FHIT: variants seen among roughly 807,000 people sequenced by gnomAD.
FHIT encodes the protein fragile histidine triad diadenosine triphosphatase, also known as bis(5'-adenosyl)-triphosphatase.
A neutral mutation model predicts 17.9 loss-of-function variants in FHIT; 19 were observed. The ratio of observed to expected loss-of-function variants is 1.06; its 90% CI spans 0.74 to 1.56. The LOEUF (loss-of-function observed/expected upper bound fraction) is 1.56, where lower values mean the gene tolerates loss of function less well. Ranked by LOEUF, FHIT falls within the 40% of genes most tolerant of loss-of-function variation. FHIT has a pLI of 0.00. For missense variants in FHIT, 248 were observed against 189.2 expected (o/e 1.31, Z -1.82); for synonymous variants, 81 against 69.7 (o/e 1.16, Z -0.81).
chr3:59,951,978 G>A (rs1445653710), intron 7 of FHIT, among the ~76,000 whole-genome samples: 1 of 152,130 alleles, frequency 6.6e-6, no homozygotes, highest in Non-Finnish European at 1.5e-5. Context: ...TTGACATCAT[G>A]TGTGGCCTTG....
rs189195114 is a variant in FHIT, at chr3:60,915,565, T to C, written c.-110-93554A>G. Among the ~76,000 whole-genome samples, 184 of 152,252 alleles carry C rather than the reference T, an allele frequency of 1.2e-3. 2 individuals carry two copies. Among genetic ancestry groups the C allele is most frequent in the Admixed American group, 2.8e-3 (43 of 15,292 alleles). On this transcript the variant is annotated intron_variant, in intron 3 of 9. Coordinates refer to ENST00000492590, the MANE Select transcript of FHIT (RefSeq NM_002012.4). The stretch of plus-strand genomic sequence containing the variant: ...AGATAGCTGTCCTGGACAGGAAGGA[T>C]AGAAGCATTGGAAGAAAGTGTTAGA...
intron 5 of FHIT, among the ~76,000 whole-genome samples, chr3:60,386,169 A>C (rs1701003710): frequency 6.6e-6 from 1 of 151,920 alleles, no homozygotes; most frequent in Non-Finnish European, 1.5e-5. Context: ...CATAGACGCT[A>C]CTCACTGGTC....
At chr3:59,999,902 C>G (rs1575851998) in intron 7 of FHIT, among the ~76,000 whole-genome samples, 2 of 152,292 alleles carry the variant, frequency 1.3e-5, no homozygotes, top group East Asian at 3.9e-4. Flanking sequence ...GCCACTGTTC[C>G]TGGCCAGATC....
chr3:60,814,599 A>G (rs1470486221), intron 4 of FHIT, among the ~76,000 whole-genome samples: 1 of 152,060 alleles, frequency 6.6e-6, no homozygotes, highest in African/African-American at 2.4e-5. Flanking sequence ...TCTTTATCTG[A>G]TCCACCATTG....
Position 60,182,842 on chromosome 3 carries a change from C to A in FHIT, c.104-168690G>T, listed in dbSNP as rs9840704. On this transcript the variant is annotated intron_variant, in intron 5 of 9. Transcript: ENST00000492590. Reference sequence around the variant, plus strand: ...TGAGTTGTTAGTTCCTCCTTTTATTCTCTATAAATGCTGCCAGTCGGGGGC... The same window carrying A: ...TGAGTTGTTAGTTCCTCCTTTTATTATCTATAAATGCTGCCAGTCGGGGGC... Among the ~76,000 whole-genome samples, 606 of 151,052 alleles carry A rather than the reference C, an allele frequency of 4.0e-3. 4 individuals are homozygous for A. The highest frequency in any genetic ancestry group is 0.01 in the Middle Eastern group (3 of 292).
At chr3:60,291,493 GC>G (rs1707981832) in intron 5 of FHIT, among the ~76,000 whole-genome samples, 1 of 151,878 alleles carries the variant, frequency 6.6e-6, no homozygotes, top group African/African-American at 2.4e-5. Flanking sequence ...TGTCGGACAT[GC>G]CTGGGCCCCA....
intron 2 of FHIT, among the ~76,000 whole-genome samples, chr3:61,089,646 A>T (rs1336398168): frequency 6.6e-6 from 1 of 152,204 alleles, no homozygotes; most frequent in Non-Finnish European, 1.5e-5. Flanking sequence ...TATTTACAGA[A>T]GACTTGAACT....
chr3:60,753,924 G>T (rs1405730495), intron 4 of FHIT, among the ~76,000 whole-genome samples: 11 of 151,350 alleles, frequency 7.3e-5, no homozygotes, highest in African/African-American at 1.7e-4. Context: ...ATAAATAAAA[G>T]ATTACAAGGA....
At chr3:60,961,696 C>T (rs1379827721) in intron 3 of FHIT, among the ~76,000 whole-genome samples, 1 of 152,150 alleles carries the variant, frequency 6.6e-6, no homozygotes, top group African/African-American at 2.4e-5. Flanking sequence ...ATCCTTTCCC[C>T]ATTTCTTGTG....
intron 8 of FHIT, among the ~76,000 whole-genome samples, chr3:59,785,312 C>CTT (rs35748189): frequency 1.1e-3 from 145 of 133,520 alleles, no homozygotes; most frequent in East Asian, 5.2e-3. Context: ...GCAATCTTGC[C>CTT]TTTTTTTTTT....
chr3:60,323,195 A>G (rs995248484), intron 5 of FHIT, among the ~76,000 whole-genome samples: 10 of 152,228 alleles, frequency 6.6e-5, no homozygotes, highest in Non-Finnish European at 1.2e-4. Context: ...AAGGGGACGC[A>G]GGGCTCCCAG....
intron 3 of FHIT, among the ~76,000 whole-genome samples, chr3:61,029,926 TCTTGGGCTCCACCCTAGA>T (rs1381613465): frequency 6.6e-5 from 10 of 152,206 alleles, no homozygotes; most frequent in Admixed American, 5.9e-4. Context: ...AACCTCAGGC[TCTTGGGCTCCACCCTAGA>T]CCTGAATCAA....
At chr3:59,935,270 G>A (rs1199577853) in intron 7 of FHIT, among the ~76,000 whole-genome samples, 1 of 152,182 alleles carries the variant, frequency 6.6e-6, no homozygotes, top group East Asian at 1.9e-4. Context: ...TCACCCTTGT[G>A]CTTCTCAGCT....
At chr3:60,088,182 G>A (rs1251720730) in intron 5 of FHIT, among the ~76,000 whole-genome samples, 1 of 152,090 alleles carries the variant, frequency 6.6e-6, no homozygotes, top group Non-Finnish European at 1.5e-5. Flanking sequence ...AACAGATGGA[G>A]AACTCATCCC....
chr3:59,956,116 A>T (rs1042429902), intron 7 of FHIT, among the ~76,000 whole-genome samples: 4 of 152,176 alleles, frequency 2.6e-5, no homozygotes, highest in Admixed American at 6.5e-5. Context: ...ACTCGGAACA[A>T]TCATGCTTTT....
intron 2 of FHIT, among the ~76,000 whole-genome samples, chr3:61,095,292 G>T (rs2035604331): frequency 6.6e-6 from 1 of 152,152 alleles, no homozygotes; most frequent in Non-Finnish European, 1.5e-5. Flanking sequence ...ATACAAGAAA[G>T]CCTCATTCAA....
intron 3 of FHIT, among the ~76,000 whole-genome samples, chr3:60,852,821 T>C (rs112965404): frequency 0.018 from 2,799 of 152,086 alleles, 52 homozygotes; most frequent in Non-Finnish European, 0.026. Flanking sequence ...CTAAGCAGCA[T>C]AGTGAGACCC....
Position 61,250,557 on chromosome 3 carries a change from T to A in FHIT, c.-213+744A>T, listed in dbSNP as rs140460664. ...TTGTTTCCCAGATAAGCGCTGTGAGTGGCTGTTCCAAGGTAACACAGCGAG... is the reference window on the plus strand; with the variant it reads ...TTGTTTCCCAGATAAGCGCTGTGAGAGGCTGTTCCAAGGTAACACAGCGAG... On this transcript the variant is annotated intron_variant, in intron 1 of 9. Transcript: ENST00000492590. 4.6e-4 allele frequency among the ~76,000 whole-genome samples: 70 copies of A among 152,252 alleles called. No homozygotes were observed. The East Asian group carries it at 0.012, about 27-fold the overall frequency.
At chr3:60,066,492 G>A (rs2106948581) in intron 5 of FHIT, among the ~76,000 whole-genome samples, 1 of 152,204 alleles carries the variant, frequency 6.6e-6, no homozygotes, top group Non-Finnish European at 1.5e-5. Context: ...TGGATAACAA[G>A]ATGGAGAGTT....
Sources: gnomAD v4.1 joint callset for allele counts (sites outside exome capture counted in the v4.1 genomes callset) on GRCh38, gnomAD v4.1.1 for gene constraint, MANE v1.5 for transcripts, NCBI Gene and HGNC (gene_info 2026-07-23, HGNC 2026-07-21) for gene names.